Variants in PRKG1 observed in about 807,000 individuals in gnomAD.
PRKG1 encodes the protein cGMP-dependent protein kinase 1.
In PRKG1, 35 loss-of-function variants were observed where a neutral mutation model predicts 88.1. The ratio of observed to expected loss-of-function variants is 0.40; its 90% CI spans 0.30 to 0.53. The LOEUF (loss-of-function observed/expected upper bound fraction) is 0.53. Among genes scored for constraint, PRKG1 ranks in the 20% least tolerant of loss-of-function variants. The pLI, the probability that PRKG1 is intolerant of heterozygous loss-of-function variation, is 0.59. For missense variants in PRKG1, 540 were observed against 839.8 expected (o/e 0.64, Z 4.41); for synonymous variants, 303 against 292.5 (o/e 1.04, Z -0.37).
intron 3 of PRKG1, among the ~76,000 whole-genome samples, chr10:51,674,746 C>T (rs1408924543): frequency 6.6e-6 from 1 of 152,086 alleles, no homozygotes; most frequent in African/African-American, 2.4e-5. Flanking sequence ...TTTGGATGAA[C>T]CCGAGACGTT....
intron 9 of PRKG1, among the ~76,000 whole-genome samples, chr10:52,240,202 GA>G (rs1840823373): frequency 1.3e-5 from 2 of 152,150 alleles, no homozygotes. Context: ...TATTGTTAGT[GA>G]TCAGTCGTAT....
chr10:52,104,384 C>T (rs933503559), intron 7 of PRKG1, among the ~76,000 whole-genome samples: 3 of 151,926 alleles, frequency 2.0e-5, no homozygotes, highest in African/African-American at 2.4e-5. Flanking sequence ...CTATACAATG[C>T]TTACATTGAA....
At chr10:51,858,777 T>A (rs1156293721) in intron 4 of PRKG1, among the ~76,000 whole-genome samples, 1 of 151,970 alleles carries the variant, frequency 6.6e-6, no homozygotes, top group African/African-American at 2.4e-5. Context: ...AAGTTTTAAT[T>A]CAATAAAGGC....
intron 5 of PRKG1, among the ~76,000 whole-genome samples, chr10:51,978,045 G>C (rs1226177906): frequency 1.3e-5 from 2 of 151,922 alleles, no homozygotes; most frequent in East Asian, 3.9e-4. Context: ...ATCTTTGCCT[G>C]TTCCTATGTC....
intron 9 of PRKG1, 51 bp from the exon 10 acceptor site, chr10:52,251,518 CT>C (rs1370492723): frequency 5.9e-6 from 8 of 1,354,464 alleles, no homozygotes; most frequent in Non-Finnish European, 8.5e-6. Context: ...GTACGTGGTA[CT>C]CGTGTTTGCA....
chr10:52,100,556 C>T (rs1847272824), intron 7 of PRKG1, among the ~76,000 whole-genome samples: 1 of 152,154 alleles, frequency 6.6e-6, no homozygotes, highest in South Asian at 2.1e-4. Context: ...TGAGCCCAGC[C>T]CCTGAGGATC....
At chr10:51,862,055 T>C (rs974317761) in intron 4 of PRKG1, among the ~76,000 whole-genome samples, 4 of 152,190 alleles carry the variant, frequency 2.6e-5, no homozygotes, top group South Asian at 2.1e-4. Flanking sequence ...CAAAGGGTGT[T>C]ACAGCCCTTG....
intron 1 of PRKG1, among the ~76,000 whole-genome samples, chr10:51,013,609 C>G (rs1843020603): frequency 6.6e-6 from 1 of 152,114 alleles, no homozygotes; most frequent in Admixed American, 6.6e-5. Flanking sequence ...CCAGGATGGT[C>G]TCTATCTCCT....
chr10:51,163,895 G>T (rs1258405543), intron 2 of PRKG1, among the ~76,000 whole-genome samples: 1 of 152,340 alleles, frequency 6.6e-6, no homozygotes, highest in Admixed American at 6.5e-5. Context: ...CAGCTGGGAA[G>T]CTGGAACTGG....
At chr10:51,159,974 C>T (rs986289149) in intron 2 of PRKG1, among the ~76,000 whole-genome samples, 1 of 152,084 alleles carries the variant, frequency 6.6e-6, no homozygotes, top group African/African-American at 2.4e-5. Flanking sequence ...TGGCAAGAAC[C>T]TTATCTCCTG....
intron 2 of PRKG1, among the ~76,000 whole-genome samples, chr10:51,388,820 G>A (rs571742038): frequency 2.0e-4 from 31 of 152,332 alleles, no homozygotes; most frequent in South Asian, 1.4e-3. Flanking sequence ...AGGTGGTCTG[G>A]TTAAAAGGAA....
At chr10:51,778,964 G>T (rs4935281) in intron 3 of PRKG1, among the ~76,000 whole-genome samples, 76,605 of 151,920 alleles carry the variant, frequency 0.5, 20,093 homozygotes, top group African/African-American at 0.62. Context: ...ATGAAAAGAT[G>T]GTTGGTTTTT....
At chr10:51,763,121 A>G (rs1646523348) in intron 3 of PRKG1, among the ~76,000 whole-genome samples, 1 of 152,220 alleles carries the variant, frequency 6.6e-6, no homozygotes, top group Admixed American at 6.5e-5. Context: ...AAGTCAATCA[A>G]AATTGACTTT....
chr10:52,270,115 G>T (rs1268374677), intron 10 of PRKG1, among the ~76,000 whole-genome samples: 1 of 152,066 alleles, frequency 6.6e-6, no homozygotes, highest in Non-Finnish European at 1.5e-5. Context: ...ATTCTGCAAG[G>T]TTAAAAAGAA....
intron 5 of PRKG1, among the ~76,000 whole-genome samples, chr10:52,041,467 G>T (rs1029853085): frequency 3.3e-5 from 5 of 152,100 alleles, no homozygotes; most frequent in African/African-American, 1.2e-4. Context: ...GACTGGTTTT[G>T]CTATCAGAGT....
At chr10:51,364,906 A>C (rs1245373768) in intron 2 of PRKG1, among the ~76,000 whole-genome samples, 1 of 151,920 alleles carries the variant, frequency 6.6e-6, no homozygotes, top group African/African-American at 2.4e-5. Flanking sequence ...AGGGATTCAA[A>C]TATAACCACG....
At chr10:51,847,834 C>A (rs1057307490) in intron 4 of PRKG1, among the ~76,000 whole-genome samples, 1 of 51,156 alleles carries the variant, frequency 2.0e-5, no homozygotes, top group African/African-American at 7.2e-5. Flanking sequence ...AGACTCAAGA[C>A]TCTGTTAAAA....
At chr10:51,747,555 G>A (rs78627790) in intron 3 of PRKG1, among the ~76,000 whole-genome samples, 3,852 of 151,900 alleles carry the variant, frequency 0.025, 168 homozygotes, top group African/African-American at 0.087. Flanking sequence ...GTCTTCTAAG[G>A]CCTATTAATG....
chr10:51,251,486 A>G (rs187333387), intron 2 of PRKG1, among the ~76,000 whole-genome samples: 44 of 151,934 alleles, frequency 2.9e-4, no homozygotes, highest in Non-Finnish European at 5.9e-4. Context: ...GTGTTCCTTT[A>G]TATCTGCATA....
Sources: allele counts gnomAD v4.1 joint callset (sites outside exome capture counted in the v4.1 genomes callset), GRCh38; gene constraint gnomAD v4.1.1; transcripts MANE v1.5; gene names NCBI Gene and HGNC (gene_info 2026-07-23, HGNC 2026-07-21).